NTN1: variants seen among roughly 807,000 people sequenced by gnomAD.
NTN1 encodes netrin 1.
Under a neutral mutation model 54.2 loss-of-function variants are expected in NTN1, and 11 were observed. The observed-to-expected ratio is 0.20, with a 90% CI of 0.13 to 0.34. The LOEUF is 0.34. NTN1 is among the 10% of genes least tolerant of loss of function. The pLI, the probability that NTN1 is intolerant of heterozygous loss-of-function variation, is 1.00. For missense variants in NTN1, 740 were observed against 893.1 expected (o/e 0.83, Z 2.18); for synonymous variants, 371 against 382.0 (o/e 0.97, Z 0.33).
chr17:9,169,848 G>T (rs1255092736), intron 3 of NTN1, among the ~76,000 whole-genome samples: 2 of 152,202 alleles, frequency 1.3e-5, no homozygotes, highest in African/African-American at 4.8e-5. Context: ...CTGGGTGACA[G>T]GGCGAGACTC....
chr17:9,130,716 G>C (rs906830368), intron 2 of NTN1, among the ~76,000 whole-genome samples: 1 of 152,074 alleles, frequency 6.6e-6, no homozygotes, highest in Non-Finnish European at 1.5e-5. Context: ...TTCAGCCCCA[G>C]GTCTGAACCC....
chr17:9,014,460 G>A, the NTN1 span, among the ~76,000 whole-genome samples: 31 of 152,166 alleles, frequency 2.0e-4, no homozygotes, highest in East Asian at 3.7e-3. Flanking sequence ...TAAAATCGCC[G>A]ACCAACCCTA....
At chr17:9,127,498 T>C (rs983166380) in intron 2 of NTN1, among the ~76,000 whole-genome samples, 2 of 152,058 alleles carry the variant, frequency 1.3e-5, no homozygotes, top group African/African-American at 4.8e-5. Flanking sequence ...TTTGTAGCAC[T>C]GGGGAGCGTG....
intron 2 of NTN1, among the ~76,000 whole-genome samples, chr17:9,120,790 G>A (rs1439987691): frequency 1.3e-5 from 2 of 152,238 alleles, no homozygotes; most frequent in Non-Finnish European, 2.9e-5. Context: ...TTACCCCCAT[G>A]TTGTTTTTGT....
At chr17:9,228,086 CAGAG>C (rs1363415031) in intron 6 of NTN1, among the ~76,000 whole-genome samples, 1 of 152,102 alleles carries the variant, frequency 6.6e-6, no homozygotes, top group East Asian at 1.9e-4. Flanking sequence ...TCCTGACCCT[CAGAG>C]AGCTTACAGT....
intron 2 of NTN1, among the ~76,000 whole-genome samples, chr17:9,075,747 C>T (rs551499704): frequency 5.3e-5 from 8 of 152,170 alleles, no homozygotes; most frequent in South Asian, 2.1e-4. Context: ...CTGCAGCCCC[C>T]GGAGGTGTGG....
At chr17:9,098,658 A>G (rs1373782590) in intron 2 of NTN1, among the ~76,000 whole-genome samples, 1 of 152,184 alleles carries the variant, frequency 6.6e-6, no homozygotes, top group Non-Finnish European at 1.5e-5. Context: ...CCACACCTGC[A>G]TATGAAGAAA....
Position 9,022,491 on chromosome 17 carries a change from C to G in NTN1, c.118C>G (p.Pro40Ala). 1 of 1,539,836 alleles carries G rather than the reference C, an allele frequency of 6.5e-7. No homozygotes were observed. The highest frequency in any genetic ancestry group is 8.7e-7 in the Non-Finnish European group (1 of 1,146,972). The change falls in exon 2 of 7, where the codon CCC (proline) becomes GCC (alanine). Residue 40 changes from proline to alanine, a missense_variant. Transcript: ENST00000173229. Reference sequence around the variant, plus strand: ...CGCGGGCCAGGCGGCGCAGCCCGATCCCTGCTCGGACGAGAACGGCCACCC... The same window carrying G: ...CGCGGGCCAGGCGGCGCAGCCCGATGCCTGCTCGGACGAGAACGGCCACCC... ...MFAGQAAQPD[P>A]CSDENGHPRR... is the part of the protein sequence containing the mutation.
chr17:9,094,218 T>C (rs971486676), intron 2 of NTN1, among the ~76,000 whole-genome samples: 2 of 152,224 alleles, frequency 1.3e-5, no homozygotes, highest in African/African-American at 4.8e-5. Flanking sequence ...TCATGACTGC[T>C]TGGCATCTTA....
chr17:9,188,572 C>T lies in NTN1; in HGVS notation c.1411+5603C>T, dbSNP rs185077435. Reference sequence around the variant, plus strand: ...GGGGCTGGGGTGAGTGTCCTGGAGACAAGGCACTGGAGCATAGGCAGCAAT... The same window carrying T: ...GGGGCTGGGGTGAGTGTCCTGGAGATAAGGCACTGGAGCATAGGCAGCAAT... On this transcript the variant is annotated intron_variant, in intron 5 of 6. Coordinates refer to ENST00000173229, the MANE Select transcript of NTN1 (RefSeq NM_004822.3). 2.6e-5 allele frequency among the ~76,000 whole-genome samples: 4 copies of T among 151,054 alleles called. No individual in the cohort carries two copies. The East Asian group carries it at 7.8e-4, about 29-fold the overall frequency.
chr17:9,190,500 T>A (rs1393976104), intron 5 of NTN1, among the ~76,000 whole-genome samples: 1 of 152,206 alleles, frequency 6.6e-6, no homozygotes, highest in Non-Finnish European at 1.5e-5. Context: ...TAAACAGGAT[T>A]ATTTAAATGA....
intron 2 of NTN1, among the ~76,000 whole-genome samples, chr17:9,044,155 A>G (rs1484582303): frequency 1.3e-5 from 2 of 151,764 alleles, no homozygotes; most frequent in African/African-American, 4.8e-5. Context: ...GTTATTTATG[A>G]ATTGGGTTTT....
At chr17:9,215,274 C>CAT (rs1905193562) in intron 5 of NTN1, among the ~76,000 whole-genome samples, 1 of 149,336 alleles carries the variant, frequency 6.7e-6, no homozygotes, top group Non-Finnish European at 1.5e-5. Context: ...CACACACACA[C>CAT]ACACACACAC....
chr17:9,011,831 A>C, the NTN1 span, among the ~76,000 whole-genome samples: 1 of 152,172 alleles, frequency 6.6e-6, no homozygotes, highest in Non-Finnish European at 1.5e-5. Context: ...CTCGTGATCC[A>C]CCCACCTCGG....
intron 2 of NTN1, among the ~76,000 whole-genome samples, chr17:9,026,040 T>G (rs1415843211): frequency 6.6e-6 from 1 of 152,198 alleles, no homozygotes; most frequent in African/African-American, 2.4e-5. Flanking sequence ...TAATCAGTCT[T>G]AATAACAATG....
intron 2 of NTN1, among the ~76,000 whole-genome samples, chr17:9,033,864 C>A (rs550135919): frequency 7.2e-6 from 1 of 139,012 alleles, no homozygotes; most frequent in East Asian, 2.1e-4. Context: ...TTGCAGTGAG[C>A]AGAGATCACA....
the NTN1 span, among the ~76,000 whole-genome samples, chr17:9,016,355 C>G: frequency 6.6e-6 from 1 of 150,702 alleles, no homozygotes; most frequent in African/African-American, 2.4e-5. Flanking sequence ...AGAAGTCCCC[C>G]TCTTATTGTC....
chr17:9,054,754 T>C (rs891454769), intron 2 of NTN1, among the ~76,000 whole-genome samples: 1 of 151,916 alleles, frequency 6.6e-6, no homozygotes, highest in Non-Finnish European at 1.5e-5. Flanking sequence ...AGCCTCTCGG[T>C]GGGCCCGGAG....
chr17:9,052,381 C>T (rs369107470), intron 2 of NTN1, among the ~76,000 whole-genome samples: 2 of 152,180 alleles, frequency 1.3e-5, no homozygotes, highest in East Asian at 3.9e-4. Context: ...GGCAGGTCCA[C>T]CTCTCAGTAC....
Sources: allele counts gnomAD v4.1 joint callset (sites outside exome capture counted in the v4.1 genomes callset), GRCh38; gene constraint gnomAD v4.1.1; transcripts MANE v1.5; gene names NCBI Gene and HGNC (gene_info 2026-07-23, HGNC 2026-07-21).